The following RBMS3 variants were observed in gnomAD, a reference collection of about 807,000 sequenced individuals.
RBMS3 encodes RNA-binding motif, single-stranded-interacting protein 3.
A neutral mutation model predicts 66.8 loss-of-function variants in RBMS3; 27 were observed. That is an observed-to-expected ratio of 0.40 (90% CI 0.30 to 0.56). The LOEUF (loss-of-function observed/expected upper bound fraction) is 0.56. RBMS3 is among the 20% of genes least tolerant of loss of function. The pLI, the probability that RBMS3 is intolerant of heterozygous loss-of-function variation, is 0.40. For missense variants in RBMS3, 513 were observed against 549.5 expected, an observed-to-expected ratio of 0.93 and a Z score of 0.66; for synonymous variants, 188 against 183.0, an observed-to-expected ratio of 1.03 and a Z score of -0.22.
chr3:29,813,728 C>T (rs377098621), intron 6 of RBMS3, among the ~76,000 whole-genome samples: 56 of 151,848 alleles, frequency 3.7e-4, no homozygotes, highest in Non-Finnish European at 5.3e-4. Context: ...AGGTATTTTA[C>T]TCTCTTTGAA....
chr3:29,682,432 C>T (rs2051539066), intron 4 of RBMS3, among the ~76,000 whole-genome samples: 1 of 152,236 alleles, frequency 6.6e-6, no homozygotes. Flanking sequence ...GGATGACAGG[C>T]ATGAACCACC....
intron 5 of RBMS3, among the ~76,000 whole-genome samples, chr3:29,747,086 A>G (rs2054934211): frequency 6.6e-6 from 1 of 152,224 alleles, no homozygotes; most frequent in Non-Finnish European, 1.5e-5. Context: ...AAGTGGGGAC[A>G]TTGGAGGCAG....
chr3:29,433,557 C>T (rs1266271924), intron 1 of RBMS3, among the ~76,000 whole-genome samples: 1 of 152,062 alleles, frequency 6.6e-6, no homozygotes, highest in Non-Finnish European at 1.5e-5. Flanking sequence ...TTGAAAAAAT[C>T]TTCTAACTTA....
At chr3:29,624,491 T>C (rs1160824127) in intron 4 of RBMS3, among the ~76,000 whole-genome samples, 2 of 152,144 alleles carry the variant, frequency 1.3e-5, no homozygotes, top group Non-Finnish European at 2.9e-5. Flanking sequence ...TCCATAAGTA[T>C]CTAGTAGAAT....
chr3:29,877,669 A>C (rs2059639199), intron 7 of RBMS3, among the ~76,000 whole-genome samples: 1 of 152,184 alleles, frequency 6.6e-6, no homozygotes. Context: ...AGGTGAGAGC[A>C]GATAACTACT....
intron 6 of RBMS3, among the ~76,000 whole-genome samples, chr3:29,852,913 T>A (rs1007617593): frequency 1.3e-5 from 2 of 152,180 alleles, no homozygotes; most frequent in South Asian, 4.1e-4. Context: ...TCAACCTAAA[T>A]GCCCATCAAT....
At chr3:29,608,317 A>G (rs1318764626) in intron 4 of RBMS3, among the ~76,000 whole-genome samples, 1 of 152,000 alleles carries the variant, frequency 6.6e-6, no homozygotes, top group Non-Finnish European at 1.5e-5. Context: ...AATCAAACAA[A>G]TCTTTCCAAT....
intron 4 of RBMS3, among the ~76,000 whole-genome samples, chr3:29,652,307 G>A (rs2050174481): frequency 6.6e-6 from 1 of 152,068 alleles, no homozygotes; most frequent in African/African-American, 2.4e-5. Context: ...TTGTATACTT[G>A]TAGGGAGGTG....
At chr3:29,483,121 C>T (rs1406619244) in intron 2 of RBMS3, among the ~76,000 whole-genome samples, 1 of 145,624 alleles carries the variant, frequency 6.9e-6, no homozygotes, top group Admixed American at 7.1e-5. Flanking sequence ...CTGGCTAACA[C>T]GGTGAAACCC....
chr3:29,942,219 T>G (rs572425010), intron 11 of RBMS3, among the ~76,000 whole-genome samples: 1 of 151,496 alleles, frequency 6.6e-6, no homozygotes, highest in African/African-American at 2.4e-5. Context: ...AATGTCAAAT[T>G]TGAAAAAATG....
In RBMS3 at chr3:29,387,093, G is replaced by A. The variant is rs183808550; in HGVS notation, c.76-47650G>A. On this transcript the variant is annotated intron_variant, in intron 1 of 14. Transcript: ENST00000383767. Reference sequence around the variant, plus strand: ...AGGGGATTCTGGCGCTTAGTCCTTGGATCTCTGGATATCTTTATCTTCACT... The same window carrying A: ...AGGGGATTCTGGCGCTTAGTCCTTGAATCTCTGGATATCTTTATCTTCACT... Among the ~76,000 whole-genome samples, 36 of 152,152 alleles carry A rather than the reference G, an allele frequency of 2.4e-4. No homozygotes were observed. The East Asian group carries it at 4.5e-3, about 19-fold the overall frequency.
At chr3:29,915,646 T>C (rs1559796549) in intron 10 of RBMS3, among the ~76,000 whole-genome samples, 3 of 151,936 alleles carry the variant, frequency 2.0e-5, no homozygotes. Flanking sequence ...CAAACCGAAA[T>C]TGTCAAGAGT....
intron 6 of RBMS3, among the ~76,000 whole-genome samples, chr3:29,832,739 G>T (rs1364979789): frequency 2.6e-5 from 4 of 152,148 alleles, no homozygotes; most frequent in Non-Finnish European, 5.9e-5. Flanking sequence ...ACAGGAAACG[G>T]AGGCTATAGA....
intron 6 of RBMS3, among the ~76,000 whole-genome samples, chr3:29,864,547 A>G (rs2059296877): frequency 6.6e-6 from 1 of 152,078 alleles, no homozygotes; most frequent in African/African-American, 2.4e-5. Flanking sequence ...GCCTCTATGG[A>G]GTTAAAATGG....
At chr3:29,470,885 A>C (rs1008048507) in intron 2 of RBMS3, among the ~76,000 whole-genome samples, 1 of 152,134 alleles carries the variant, frequency 6.6e-6, no homozygotes, top group African/African-American at 2.4e-5. Context: ...ATTCCCTCAT[A>C]AGTGTGTAAA....
At chr3:29,713,871 A>G (rs1015039105) in intron 4 of RBMS3, among the ~76,000 whole-genome samples, 2 of 152,130 alleles carry the variant, frequency 1.3e-5, no homozygotes, top group Admixed American at 6.5e-5. Context: ...CCTGGGCAAC[A>G]TGGTGAAACC....
At chr3:29,859,823 TTG>T (rs2059169322) in intron 6 of RBMS3, among the ~76,000 whole-genome samples, 1 of 152,158 alleles carries the variant, frequency 6.6e-6, no homozygotes, top group African/African-American at 2.4e-5. Context: ...GTGGTTGAAA[TTG>T]AAAGCTTGCC....
At chr3:29,497,567 G>C (rs1009654133) in intron 3 of RBMS3, among the ~76,000 whole-genome samples, 1 of 152,018 alleles carries the variant, frequency 6.6e-6, no homozygotes, top group Non-Finnish European at 1.5e-5. Context: ...GTAAATTATT[G>C]CTTCCAAAAG....
intron 2 of RBMS3, among the ~76,000 whole-genome samples, chr3:29,448,471 T>C (rs1463443359): frequency 6.6e-6 from 1 of 152,236 alleles, no homozygotes; most frequent in African/African-American, 2.4e-5. Flanking sequence ...GTGCGACTCT[T>C]CTTTCTCTAA....
Sources: gnomAD v4.1 joint callset for allele counts (sites outside exome capture counted in the v4.1 genomes callset) on GRCh38, gnomAD v4.1.1 for gene constraint, MANE v1.5 for transcripts, NCBI Gene and HGNC (gene_info 2026-07-23, HGNC 2026-07-21) for gene names.